KCNQ2: variants seen among roughly 807,000 people sequenced by gnomAD.
KCNQ2 encodes potassium voltage-gated channel subfamily KQT member 2.
Under a neutral mutation model 84.8 loss-of-function variants are expected in KCNQ2, and 14 were observed. The observed-to-expected ratio is 0.17, with a 90% CI of 0.11 to 0.26. The LOEUF is 0.26. KCNQ2 is among the 10% of genes least tolerant of loss of function. The pLI, the probability that KCNQ2 is intolerant of heterozygous loss-of-function variation, is 1.00. For synonymous variants in KCNQ2, 599 were observed against 554.1 expected (o/e 1.08, Z -1.14); for missense variants, 788 against 1,254.0 (o/e 0.63, Z 5.61).
chr20:63,453,345 C>T (rs992751999), intron 1 of KCNQ2, among the ~76,000 whole-genome samples: 5 of 152,212 alleles, frequency 3.3e-5, no homozygotes, highest in East Asian at 1.9e-4. Context: ...GCAGTGGTGC[C>T]GAGGCCCAGG....
At chr20:63,420,061 T>C (rs925233155) in intron 11 of KCNQ2, among the ~76,000 whole-genome samples, 2 of 152,180 alleles carry the variant, frequency 1.3e-5, no homozygotes, top group African/African-American at 2.4e-5. Flanking sequence ...GGCGTGGGTG[T>C]GAAGCACACA....
In KCNQ2 at chr20:63,406,794, G is replaced by A. The variant is rs758071891; in HGVS notation, c.2469C>T (p.Ala823=). The change falls in exon 17 of 17, where the codon GCC becomes GCT. Residue 823 remains alanine (A), a synonymous_variant. Coordinates refer to ENST00000359125, the MANE Select transcript of KCNQ2 (RefSeq NM_172107.4). The part of the protein sequence containing the change: ...NLDALNSCYA[A]VAPCAKVRPY... ...GCCTGACTTTGGCACAAGGCGCCAC[G>A]GCCGCGTAGCAGCTGTTGAGAGCAT... 2.0e-5 allele frequency: 32 copies of A among 1,612,514 alleles called. No homozygotes were observed. Among genetic ancestry groups the A allele is most frequent in the East Asian group, 1.1e-4 (5 of 44,880 alleles).
chr20:63,411,871 A>G (rs897100038), intron 15 of KCNQ2: 3 of 712,590 alleles, frequency 4.2e-6, no homozygotes, highest in Non-Finnish European at 7.8e-6. Flanking sequence ...GGGACCCACA[A>G]TCATATCTAT....
chr20:63,407,092 G>T lies in KCNQ2; in HGVS notation c.2171C>A (p.Pro724Gln). 1 of 1,535,966 alleles carries T rather than the reference G, an allele frequency of 6.5e-7. No homozygotes were observed. The highest frequency in any genetic ancestry group is 1.2e-5 in the South Asian group (1 of 84,574). The change falls in exon 17 of 17, where the codon CCG becomes CAG. Residue 724 changes from proline (P) to glutamine (Q), a missense_variant. Pro to Gln is a moderately conservative substitution (Grantham distance 76, BLOSUM62 -1). Around this residue, in one of 8 missense-constraint regions of KCNQ2, gnomAD observed 378 missense variants for 434.5 expected, o/e 0.87. Transcript: ENST00000359125. The surrounding 1 kb of genome is among the most constrained non-coding windows in gnomAD (Gnocchi z 7.2). ...GGGGGAGGTGCCGTGGCCCTGGCGC[G>T]GGTGGCTCTGTGGCTGCCAGGAGGT... ...PSTSWQPQSH[P>Q]RQGHGTSPVG...
rs879875521 is a variant in KCNQ2 at position 63,425,546 on chromosome 20, C to A, written c.1218-1340G>T. Among the ~76,000 whole-genome samples the A allele has an allele frequency of 6.6e-6, 1 of 151,980 alleles. No homozygotes were observed. Among genetic ancestry groups the A allele is most frequent in the Non-Finnish European group, 1.5e-5 (1 of 67,998 alleles). On this transcript the variant is annotated intron_variant, in intron 10 of 16. Coordinates refer to ENST00000359125, the MANE Select transcript of KCNQ2 (RefSeq NM_172107.4). The surrounding 1 kb of genome is among the most constrained non-coding windows in gnomAD (Gnocchi z 5.5). Reference sequence around the variant, plus strand: ...ACCAGCCTGACCAACATGGTGAAACCCCGTCTCTACTAAAAATACAAAAAT... The same window carrying A: ...ACCAGCCTGACCAACATGGTGAAACACCGTCTCTACTAAAAATACAAAAAT...
intron 4 of KCNQ2, among the ~76,000 whole-genome samples, chr20:63,442,782 CCACCAT>C (rs1451409107): frequency 6.3e-5 from 2 of 31,770 alleles, no homozygotes; most frequent in African/African-American, 2.9e-4. Flanking sequence ...ATCACCACCA[CCACCAT>C]CACCATTACC....
intron 5 of KCNQ2, 29 bp downstream of exon 5, chr20:63,442,377 A>G: frequency 6.2e-7 from 1 of 1,613,774 alleles, no homozygotes; most frequent in Non-Finnish European, 8.5e-7. Flanking sequence ...TCAGCAGGGA[A>G]AGGGAAAACC....
rs766273173 is a variant in KCNQ2, at chr20:63,407,196, G to C, written c.2067C>G (p.Ile689Met). 3 of 1,606,208 alleles carry C rather than the reference G, an allele frequency of 1.9e-6. No individual in the cohort carries two copies. The South Asian group carries it at 3.3e-5, about 18-fold the overall frequency. ...GGCCCGTGGAGCTGCTGGAGCGCAC[G>C]ATCTTGACAATGCAGCCGTGCCTGT... ...HVDRHGCIVK[I>M]VRSSSSTGQK... The change falls in exon 17 of 17, where the codon ATC becomes ATG. Residue 689 changes from isoleucine (I) to methionine (M), a missense_variant. Physicochemically the swap from Ile to Met is conservative, Grantham distance 10. Coordinates refer to ENST00000359125, the MANE Select transcript of KCNQ2 (RefSeq NM_172107.4). The surrounding 1 kb of genome is among the most constrained non-coding windows in gnomAD (Gnocchi z 7.2).
intron 7 of KCNQ2, chr20:63,434,125 C>T: frequency 1.8e-6 from 1 of 556,148 alleles, no homozygotes; most frequent in East Asian, 2.9e-5. Context: ...GACGGTGGGG[C>T]CTGAAGGAGG....
At chr20:63,467,266 TC>T (rs2145897678) in intron 1 of KCNQ2, among the ~76,000 whole-genome samples, 1 of 152,296 alleles carries the variant, frequency 6.6e-6, no homozygotes, top group African/African-American at 2.4e-5. Context: ...CCCTTGGTCC[TC>T]CAGACTTGCC....
At chr20:63,457,488 T>C (rs1219152586) in intron 1 of KCNQ2, among the ~76,000 whole-genome samples, 3 of 152,234 alleles carry the variant, frequency 2.0e-5, no homozygotes, top group Admixed American at 1.3e-4. Flanking sequence ...GGCCTGCCTA[T>C]GCCCGCCTGC....
chr20:63,452,461 C>T (rs1313210971), intron 1 of KCNQ2, among the ~76,000 whole-genome samples: 1 of 152,240 alleles, frequency 6.6e-6, no homozygotes. Context: ...GGGTCACTAG[C>T]TTCACTTGAA....
intron 1 of KCNQ2, chr20:63,459,519 A>T (rs963741569): frequency 2.6e-5 from 4 of 152,194 alleles, no homozygotes; most frequent in Admixed American, 2.0e-4. Flanking sequence ...AAAAATAAAT[A>T]AATTAAATAA....
intron 4 of KCNQ2, 117 bp from the exon 5 acceptor site, chr20:63,442,648 CAT>C: frequency 3.6e-6 from 3 of 838,298 alleles, no homozygotes; most frequent in Non-Finnish European, 3.7e-6. Flanking sequence ...CCACCAAAAC[CAT>C]CACCACCACC....
chr20:63,405,757 C>T lies in KCNQ2; in HGVS notation c.*887G>A, dbSNP rs906397921. On this transcript the variant is annotated 3_prime_UTR_variant, in exon 17 of 17. Coordinates refer to ENST00000359125, the MANE Select transcript of KCNQ2 (RefSeq NM_172107.4). ...GAGGGGAGGACTTGGGGTCCTGCCC[C>T]CCCGGTCTCCAAGGCTGGGGTGCTG... is the stretch of plus-strand genomic sequence containing the variant. The T allele has an allele frequency of 2.0e-5, 3 of 152,508 alleles. No homozygotes were observed. Among genetic ancestry groups the T allele is most frequent in the Non-Finnish European group, 2.9e-5 (2 of 68,180 alleles). 9.4% of individuals were successfully genotyped at this position (152,508 alleles called of 1,614,324 possible).
intron 1 of KCNQ2, among the ~76,000 whole-genome samples, chr20:63,457,019 A>G (rs538299841): frequency 1.3e-4 from 20 of 152,338 alleles, no homozygotes; most frequent in Non-Finnish European, 2.6e-4. Context: ...GCCACGCTGC[A>G]ACCTGGAATC....
chr20:63,465,715 C>T (rs532813655), intron 1 of KCNQ2, among the ~76,000 whole-genome samples: 20 of 152,308 alleles, frequency 1.3e-4, no homozygotes, highest in African/African-American at 4.8e-4. Flanking sequence ...CTACCCAGGA[C>T]GCGCTTCCTC....
rs2236197 is a variant in KCNQ2, at chr20:63,408,669, T to C, written c.1764-133A>G. On this transcript the variant is annotated intron_variant, in intron 15 of 16. Coordinates refer to ENST00000359125, the MANE Select transcript of KCNQ2 (RefSeq NM_172107.4). This position sits in a 1 kb window ranked among gnomAD's most constrained non-coding sequence, Gnocchi z 5.0. ...CAGCCCAGAGCCGACCAGGGGGCAG[T>C]GGGTGCCAGGACAGATGGACGGGGT... is the stretch of plus-strand genomic sequence containing the variant. The C allele has an allele frequency of 0.15, 213,053 of 1,382,576 alleles. 19,321 individuals are homozygous for C. Among genetic ancestry groups the C allele is most frequent in the East Asian group, 0.45 (18,087 of 40,108 alleles). 85.6% of individuals were successfully genotyped at this position (1,382,576 alleles called of 1,614,324 possible).
At position 63,408,142 on chromosome 20, in the gene KCNQ2, A is replaced by G. The variant is rs1016922039; in HGVS notation, c.1887+271T>C. 2.2e-5 allele frequency: 11 copies of G among 492,272 alleles called. No individual in the cohort carries two copies. The highest frequency in any genetic ancestry group is 3.7e-5 in the Non-Finnish European group (10 of 267,852). 30.5% of individuals were successfully genotyped at this position (492,272 alleles called of 1,614,324 possible). Reference sequence around the variant, plus strand: ...ACGTTCCACAAGGAACCCCTGAGGGATCCACCTCTCAGCAGCCCCCACCCA... The same window carrying G: ...ACGTTCCACAAGGAACCCCTGAGGGGTCCACCTCTCAGCAGCCCCCACCCA... On this transcript the variant is annotated intron_variant, in intron 16 of 16. Coordinates refer to ENST00000359125, the MANE Select transcript of KCNQ2 (RefSeq NM_172107.4). This position sits in a 1 kb window ranked among gnomAD's most constrained non-coding sequence, Gnocchi z 5.0.
Sources: allele counts gnomAD v4.1 joint callset (sites outside exome capture counted in the v4.1 genomes callset), GRCh38; gene constraint gnomAD v4.1.1; regional missense constraint gnomAD v4.1.1; non-coding constraint Gnocchi (gnomAD v3.1); transcripts MANE v1.5; gene names NCBI Gene and HGNC (gene_info 2026-07-23, HGNC 2026-07-21).